The following UBC variants were observed in gnomAD, a reference collection of about 807,000 sequenced individuals.
UBC encodes the protein polyubiquitin-C.
In UBC, 8 loss-of-function variants were observed where a neutral mutation model predicts 34.7. That is an observed-to-expected ratio of 0.23 (90% CI 0.14 to 0.42). The LOEUF (loss-of-function observed/expected upper bound fraction) is 0.42. UBC is among the 10% of genes least tolerant of loss of function. The pLI is 1.00. For synonymous variants in UBC, 367 were observed against 299.8 expected, an observed-to-expected ratio of 1.22 and a Z score of -2.32; for missense variants, 323 against 750.3, an observed-to-expected ratio of 0.43 and a Z score of 6.65.
Position 124,912,619 on chromosome 12 carries a change from C to T in UBC, c.1153G>A (p.Val385Met), listed in dbSNP as rs1953539082. The change falls in exon 2 of 2, where the codon GTG becomes ATG. Residue 385 changes from valine to methionine, a missense_variant. By Grantham distance (21) the Val-to-Met change is conservative. This residue lies in a region of UBC where 66 missense variants were observed against 125.4 expected (regional missense o/e 0.53). Transcript: ENST00000339647. Reference sequence around the variant, plus strand: ...ATGGTCTTACCAGTCAGGGTCTTCACGAAGATCTGCATCCCACCTCTGAGA... The same window carrying T: ...ATGGTCTTACCAGTCAGGGTCTTCATGAAGATCTGCATCCCACCTCTGAGA... ...LRLRGGMQIF[V>M]KTLTGKTITL... The T allele has an allele frequency of 6.8e-6, 11 of 1,608,478 alleles. No individual in the cohort carries two copies. The highest frequency in any genetic ancestry group is 9.3e-6 in the Non-Finnish European group (11 of 1,178,484).
Position 124,913,504 on chromosome 12 carries a change from T to G in UBC, c.268A>C (p.Thr90Pro). The G allele has an allele frequency of 6.2e-7, 1 of 1,610,804 alleles. No homozygotes were observed. Among genetic ancestry groups the G allele is most frequent in the Non-Finnish European group, 8.5e-7 (1 of 1,178,916 alleles). Residue 90 changes from threonine to proline, a missense_variant, in exon 2 of 2, where the codon ACC (threonine) becomes CCC (proline). Thr to Pro is a conservative substitution (Grantham distance 38). This residue lies in a region of UBC where 202 missense variants were observed against 361.9 expected (regional missense o/e 0.56). Transcript: ENST00000339647. ...GTGTCACTGGGCTCGACCTCAAGGGTGATGGTCTTGCCAGTGAGTGTCTTC... is the reference window on the plus strand; with the variant it reads ...GTGTCACTGGGCTCGACCTCAAGGGGGATGGTCTTGCCAGTGAGTGTCTTC... ...FVKTLTGKTITLEVEPSDTIE... is the reference protein window; with the variant it reads ...FVKTLTGKTIPLEVEPSDTIE...
chr12:124,913,523 T>C lies in UBC; in HGVS notation c.249A>G (p.Thr83=), dbSNP rs765768988. Residue 83 remains threonine, a synonymous_variant, in exon 2 of 2, where the codon ACA becomes ACG. Coordinates refer to ENST00000339647, the MANE Select transcript of UBC (RefSeq NM_021009.7). ...CAAGGGTGATGGTCTTGCCAGTGAG[T>C]GTCTTCACGAAGATTTGCATCCCAC... ...LRGGMQIFVK[T]LTGKTITLEV... is the part of the protein sequence containing the mutation. 5.7e-6 allele frequency: 9 copies of C among 1,576,160 alleles called. No individual in the cohort carries two copies. Among genetic ancestry groups the C allele is most frequent in the Non-Finnish European group, 6.9e-6 (8 of 1,166,282 alleles).
Position 124,911,780 on chromosome 12 carries a change from C to CA in UBC, c.1991dup (p.Ser665ValfsTer2), listed in dbSNP as rs1953530004. 1 of 1,613,878 alleles carries CA rather than the reference C, an allele frequency of 6.2e-7. No homozygotes were observed. Among genetic ancestry groups the CA allele is most frequent in the Non-Finnish European group, 8.5e-7 (1 of 1,179,874 alleles). ...ACTCTTTCTGGATGTTGTAGTCAGA[C>CA]AGGGTGCGTCCATCTTCCAGCTGTT... On this transcript the variant is annotated frameshift_variant, in exon 2 of 2. Transcript: ENST00000339647. LOFTEE classifies it high-confidence loss of function.
At chr12:124,914,063 T>C (rs989528173) in intron 1 of UBC, 5 of 453,008 alleles carry the variant, frequency 1.1e-5, no homozygotes, top group African/African-American at 2.0e-5. Context: ...CCCTGCGTCC[T>C]GCGACGGAGA....
At chr12:124,914,420 C>T (rs1342955903) in intron 1 of UBC, 167 bp downstream of exon 1, 1 of 155,692 alleles carries the variant, frequency 6.4e-6, no homozygotes, top group Non-Finnish European at 1.4e-5. Context: ...CCATTCAAGA[C>T]TCGGGAACAG....
At position 124,913,604 on chromosome 12, in the gene UBC, C is replaced by A; in HGVS notation, c.168G>T (p.Leu56=). 1 of 1,612,286 alleles carries A rather than the reference C, an allele frequency of 6.2e-7. No individual in the cohort carries two copies. Among genetic ancestry groups the A allele is most frequent in the South Asian group, 1.1e-5 (1 of 90,876 alleles). The stretch of plus-strand genomic sequence containing the variant: ...ACTCTTTCTGGATGTTGTAGTCAGA[C>A]AGGGTGCGCCCATCTTCCAGCTGTT... ...AGKQLEDGRT[L]SDYNIQKEST... Residue 56 remains leucine (L), a synonymous_variant, in exon 2 of 2, where the codon CTG becomes CTT. Transcript: ENST00000339647.
Position 124,912,975 on chromosome 12 carries a change from G to A in UBC, c.797C>T (p.Pro266Leu). 4 of 1,611,684 alleles carry A rather than the reference G, an allele frequency of 2.5e-6. No individual in the cohort carries two copies. Among genetic ancestry groups the A allele is most frequent in the Non-Finnish European group, 2.5e-6 (3 of 1,179,112 alleles). ...AKIQDKEGIP[P>L]DQQRLIFAGK... is the part of the protein sequence containing the mutation. ...GGCAAAGATCAACCTCTGCTGGTCA[G>A]GAGGAATGCCTTCCTTGTCTTGGAT... Residue 266 changes from proline (P) to leucine (L), a missense_variant, in exon 2 of 2, where the codon CCT becomes CTT. This residue lies in a region of UBC where 202 missense variants were observed against 361.9 expected (regional missense o/e 0.56). Coordinates refer to ENST00000339647, the MANE Select transcript of UBC (RefSeq NM_021009.7).
At position 124,913,087 on chromosome 12, in the gene UBC, T is replaced by A; in HGVS notation, c.685A>T (p.Met229Leu). Residue 229 changes from methionine to leucine, a missense_variant, in exon 2 of 2, where the codon ATG becomes TTG. Transcript: ENST00000339647. ...LHLVLRLRGG[M>L]QIFVKTLTGK... ...GTGAGTGTCTTCACGAAGATTTGCA[T>A]CCCACCTCTGAGACGGAGTACCAGG... 3.1e-6 allele frequency: 5 copies of A among 1,609,164 alleles called. No homozygotes were observed. The highest frequency in any genetic ancestry group is 4.2e-6 in the Non-Finnish European group (5 of 1,178,118).
Position 124,911,807 on chromosome 12 carries a change from C to G in UBC, c.1965G>C (p.Gly655=), listed in dbSNP as rs1071737. 8.1e-6 allele frequency: 13 copies of G among 1,613,008 alleles called. No individual in the cohort carries two copies. The highest frequency in any genetic ancestry group is 1.1e-5 in the Non-Finnish European group (13 of 1,179,654). ...PPDQQRLIFA[G]KQLEDGRTLS... Reference sequence around the variant, plus strand: ...GGGTGCGTCCATCTTCCAGCTGTTTCCCAGCAAAGATCAACCTCTGCTGAT... The same window carrying G: ...GGGTGCGTCCATCTTCCAGCTGTTTGCCAGCAAAGATCAACCTCTGCTGAT... Residue 655 remains glycine, a synonymous_variant, in exon 2 of 2, where the codon GGG becomes GGC. Transcript: ENST00000339647.
chr12:124,911,853 T>C lies in UBC; in HGVS notation c.1919A>G (p.Asp640Gly), dbSNP rs1423871384. The C allele has an allele frequency of 6.2e-7, 1 of 1,610,692 alleles. No homozygotes were observed. Among genetic ancestry groups the C allele is most frequent in the Admixed American group, 1.7e-5 (1 of 59,628 alleles). Residue 640 changes from aspartate to glycine, a missense_variant, in exon 2 of 2, where the codon GAT (aspartate) becomes GGT (glycine). Asp to Gly is a moderately conservative substitution (Grantham distance 94). Transcript: ENST00000339647. Reference protein sequence around the residue: ...TIENVKAKIQDKEGIPPDQQR... With the variant: ...TIENVKAKIQGKEGIPPDQQR... ...CTGATCAGGAGGGATGCCTTCCTTA[T>C]CTTGGATCTTTGCCTTGACATTCTC...
At position 124,913,786 on chromosome 12, in the gene UBC, G is replaced by T; in HGVS notation, c.-3-12C>A. On this transcript the variant is annotated splice_polypyrimidine_tract_variant and intron_variant, in intron 1 of 1. Transcript: ENST00000339647. The stretch of plus-strand genomic sequence containing the variant: ...AAGATCTGCATTGTCTAACAAAAAA[G>T]CCAAAAACGGCCAGAATTTAGCGGA... The T allele has an allele frequency of 6.2e-7, 1 of 1,611,632 alleles. No individual in the cohort carries two copies. The highest frequency in any genetic ancestry group is 2.2e-5 in the East Asian group (1 of 44,854).
rs769381737 is a variant in UBC, at chr12:124,912,587, G to T, written c.1185C>A (p.Leu395=). The stretch of plus-strand genomic sequence containing the variant: ...CAATGGTGTCACTCGGCTCCACCTC[G>T]AGAGTGATGGTCTTACCAGTCAGGG... ...VKTLTGKTIT[L]EVEPSDTIEN... is the part of the protein sequence containing the mutation. Residue 395 remains leucine, a synonymous_variant, in exon 2 of 2, where the codon CTC becomes CTA. Coordinates refer to ENST00000339647, the MANE Select transcript of UBC (RefSeq NM_021009.7). The T allele has an allele frequency of 2.3e-5, 37 of 1,594,366 alleles. No individual in the cohort carries two copies. Among genetic ancestry groups the T allele is most frequent in the Non-Finnish European group, 2.9e-5 (34 of 1,173,634 alleles).
intron 1 of UBC, chr12:124,913,983 CCT>C: frequency 1.4e-6 from 1 of 714,360 alleles, no homozygotes. Flanking sequence ...GAAACTGACG[CCT>C]CACTTATCCC....
At position 124,913,598 on chromosome 12, in the gene UBC, G is replaced by A. The variant is rs1357961024; in HGVS notation, c.174C>T (p.Asp58=). 1.9e-6 allele frequency: 3 copies of A among 1,611,700 alleles called. No homozygotes were observed. The African/African-American group carries it at 4.0e-5, about 22-fold the overall frequency. ...KQLEDGRTLS[D]YNIQKESTLH... ...GGGTGGACTCTTTCTGGATGTTGTA[G>A]TCAGACAGGGTGCGCCCATCTTCCA... The change falls in exon 2 of 2, where the codon GAC becomes GAT. Residue 58 remains aspartate, a synonymous_variant. Coordinates refer to ENST00000339647, the MANE Select transcript of UBC (RefSeq NM_021009.7).
chr12:124,912,989 C>T lies in UBC; in HGVS notation c.783G>A (p.Lys261=), dbSNP rs1232957071. ...TCTGCTGGTCAGGAGGAATGCCTTCCTTGTCTTGGATCTTTGCTTTGACGT... is the reference window on the plus strand; with the variant it reads ...TCTGCTGGTCAGGAGGAATGCCTTCTTTGTCTTGGATCTTTGCTTTGACGT... ...IENVKAKIQD[K]EGIPPDQQRL... The change falls in exon 2 of 2, where the codon AAG becomes AAA. Residue 261 remains lysine, a synonymous_variant. Coordinates refer to ENST00000339647, the MANE Select transcript of UBC (RefSeq NM_021009.7). 1 of 1,611,160 alleles carries T rather than the reference C, an allele frequency of 6.2e-7. No individual in the cohort carries two copies. The highest frequency in any genetic ancestry group is 8.5e-7 in the Non-Finnish European group (1 of 1,179,124).
chr12:124,911,700 T>C lies in UBC; in HGVS notation c.*14A>G. On this transcript the variant is annotated 3_prime_UTR_variant, in exon 2 of 2. Coordinates refer to ENST00000339647, the MANE Select transcript of UBC (RefSeq NM_021009.7). ...AAGTGCAATGAAATTTGTTGAAACC[T>C]TAAAAGGGGAAACTTAGACACCCCC... The C allele has an allele frequency of 1.2e-6, 2 of 1,611,152 alleles. No homozygotes were observed. The highest frequency in any genetic ancestry group is 1.7e-6 in the Non-Finnish European group (2 of 1,179,042).
rs1953547659 is a variant in UBC at position 124,913,136 on chromosome 12, G to A, written c.636C>T (p.Asn212=). 6.2e-7 allele frequency: 1 copy of A among 1,609,760 alleles called. No homozygotes were observed. The highest frequency in any genetic ancestry group is 8.5e-7 in the Non-Finnish European group (1 of 1,178,236). The change falls in exon 2 of 2, where the codon AAC becomes AAT. Residue 212 remains asparagine (N), a synonymous_variant. Coordinates refer to ENST00000339647, the MANE Select transcript of UBC (RefSeq NM_021009.7). ...LEDGRTLSDY[N]IQKESTLHLV... Reference sequence around the variant, plus strand: ...GGTGCAAGGTGGACTCTTTCTGGATGTTGTAGTCAGACAGGGTACGACCAT... The same window carrying A: ...GGTGCAAGGTGGACTCTTTCTGGATATTGTAGTCAGACAGGGTACGACCAT...
Position 124,913,682 on chromosome 12 carries a change from G to C in UBC, c.90C>G (p.Ile30Met). 3 of 1,613,520 alleles carry C rather than the reference G, an allele frequency of 1.9e-6. No individual in the cohort carries two copies. The highest frequency in any genetic ancestry group is 1.1e-5 in the South Asian group (1 of 91,028). ...CAGGAGGGATGCCTTCCTTATCTTGGATCTTTGCCTTGACATTCTCGATGG... is the reference window on the plus strand; with the variant it reads ...CAGGAGGGATGCCTTCCTTATCTTGCATCTTTGCCTTGACATTCTCGATGG... ...SDTIENVKAK[I>M]QDKEGIPPDQ... The change falls in exon 2 of 2, where the codon ATC becomes ATG. Residue 30 changes from isoleucine (I) to methionine (M), a missense_variant. This residue lies in a region of UBC where 202 missense variants were observed against 361.9 expected (regional missense o/e 0.56). Coordinates refer to ENST00000339647, the MANE Select transcript of UBC (RefSeq NM_021009.7).
Position 124,911,803 on chromosome 12 carries a change from G to A in UBC, c.1969C>T (p.Gln657Ter). The change falls in exon 2 of 2, where the codon CAG (glutamine) becomes TAG (stop). Residue 657 changes from glutamine to a stop codon, truncating the protein, a stop_gained. Transcript: ENST00000339647. LOFTEE classifies it high-confidence loss of function. ...DQQRLIFAGK[Q>*]LEDGRTLSDY... ...GACAGGGTGCGTCCATCTTCCAGCT[G>A]TTTCCCAGCAAAGATCAACCTCTGC... 1 of 1,613,562 alleles carries A rather than the reference G, an allele frequency of 6.2e-7. No homozygotes were observed. Among genetic ancestry groups the A allele is most frequent in the Non-Finnish European group, 8.5e-7 (1 of 1,179,752 alleles).
Sources: allele counts gnomAD v4.1 joint callset, GRCh38; gene constraint gnomAD v4.1.1; regional missense constraint gnomAD v4.1.1; transcripts MANE v1.5; gene names NCBI Gene and HGNC (gene_info 2026-07-23, HGNC 2026-07-21).